The following PALM2AKAP2 variants were observed in gnomAD, a reference collection of about 807,000 sequenced individuals.
PALM2AKAP2 encodes PALM2 and AKAP2 fusion, also known as PALM2-AKAP2 fusion protein.
A neutral mutation model predicts 71.5 loss-of-function variants in PALM2AKAP2; 37 were observed. The observed-to-expected ratio is 0.52, with a 90% CI of 0.40 to 0.68. The LOEUF is 0.68. PALM2AKAP2 is among the 30% of genes least tolerant of loss of function. The pLI, the probability that PALM2AKAP2 is intolerant of heterozygous loss-of-function variation, is 0.00. For missense variants in PALM2AKAP2, 1,224 were observed against 1,191.8 expected (o/e 1.03, Z -0.40); for synonymous variants, 468 against 478.8 (o/e 0.98, Z 0.29).
chr9:109,898,414 AT>A (rs780112483), intron 3 of PALM2AKAP2, among the ~76,000 whole-genome samples: 11 of 151,976 alleles, frequency 7.2e-5, no homozygotes, highest in African/African-American at 2.7e-4. Context: ...TTGAAAACAC[AT>A]TTTTTTTCAG....
At chr9:109,918,068 A>G (rs1012891520) in intron 3 of PALM2AKAP2, among the ~76,000 whole-genome samples, 5 of 152,040 alleles carry the variant, frequency 3.3e-5, no homozygotes, top group African/African-American at 1.2e-4. Flanking sequence ...TTCCTCTATT[A>G]TTGCTATTTT....
At chr9:109,810,998 G>A (rs1448467843) in intron 1 of PALM2AKAP2, among the ~76,000 whole-genome samples, 1 of 152,142 alleles carries the variant, frequency 6.6e-6, no homozygotes, top group African/African-American at 2.4e-5. Flanking sequence ...GGGAGGAAGG[G>A]GGAAGAGGTG....
At chr9:109,835,146 G>A (rs1201561281) in intron 1 of PALM2AKAP2, among the ~76,000 whole-genome samples, 1 of 151,650 alleles carries the variant, frequency 6.6e-6, no homozygotes, top group Non-Finnish European at 1.5e-5. Context: ...GACCCACACT[G>A]GCAGAGGTGG....
chr9:110,060,890 C>A (rs1052359275), intron 1 of PALM2AKAP2, among the ~76,000 whole-genome samples: 1 of 152,114 alleles, frequency 6.6e-6, no homozygotes, highest in Non-Finnish European at 1.5e-5. Context: ...GGAGTTTTTA[C>A]TCTAAATATT....
At chr9:110,002,186 C>G (rs1210416721) in intron 6 of PALM2AKAP2, among the ~76,000 whole-genome samples, 1 of 152,026 alleles carries the variant, frequency 6.6e-6, no homozygotes, top group East Asian at 1.9e-4. Context: ...TGAGATACGT[C>G]CCATCAATAC....
chr9:110,064,370 G>C (rs1050554825), intron 1 of PALM2AKAP2, among the ~76,000 whole-genome samples: 1 of 152,220 alleles, frequency 6.6e-6, no homozygotes, highest in East Asian at 1.9e-4. Context: ...TCTCCTGTCC[G>C]ACCTCCTAGC....
At chr9:110,014,801 A>ATATGT (rs1832944585) in intron 6 of PALM2AKAP2, among the ~76,000 whole-genome samples, 1 of 41,266 alleles carries the variant, frequency 2.4e-5, no homozygotes, top group Non-Finnish European at 4.1e-5. Context: ...AAAAAAAAAA[A>ATATGT]AAATGTATAT....
At chr9:110,138,504 C>T (rs1244266467) in exon 2 of PALM2AKAP2, 16 of 1,612,462 alleles carry the variant, frequency 9.9e-6, no homozygotes, top group Admixed American at 1.7e-5. Context: ...AATGCCCCAT[C>T]ACTGCCCTCC....
At chr9:109,861,236 C>G (rs1829299873) in intron 1 of PALM2AKAP2, among the ~76,000 whole-genome samples, 1 of 152,202 alleles carries the variant, frequency 6.6e-6, no homozygotes, top group Admixed American at 6.5e-5. Context: ...TTGTCCACAG[C>G]CACAGCCTGG....
intron 6 of PALM2AKAP2, among the ~76,000 whole-genome samples, chr9:109,989,179 C>T (rs984565297): frequency 1.3e-5 from 2 of 152,220 alleles, no homozygotes; most frequent in Non-Finnish European, 2.9e-5. Context: ...CATATTGAAT[C>T]TGGAGCGAAA....
intron 1 of PALM2AKAP2, among the ~76,000 whole-genome samples, chr9:109,864,106 G>T (rs1370301352): frequency 6.6e-6 from 1 of 152,070 alleles, no homozygotes; most frequent in Non-Finnish European, 1.5e-5. Context: ...GCTAGTCAAA[G>T]AATCCTGAAA....
chr9:109,695,538 CT>C (rs1448945656), intron 1 of PALM2AKAP2, among the ~76,000 whole-genome samples: 1 of 152,026 alleles, frequency 6.6e-6, no homozygotes, highest in Non-Finnish European at 1.5e-5. Context: ...TTGCGTTTCC[CT>C]GATGATTAGT....
intron 3 of PALM2AKAP2, chr9:110,162,124 A>G: frequency 6.2e-7 from 1 of 1,614,020 alleles, no homozygotes; most frequent in Non-Finnish European, 8.5e-7. Context: ...TTGCAAGGTG[A>G]CTTCCGAGGT....
At chr9:109,824,976 C>T (rs1828106768) in intron 1 of PALM2AKAP2, among the ~76,000 whole-genome samples, 1 of 152,188 alleles carries the variant, frequency 6.6e-6, no homozygotes, top group Non-Finnish European at 1.5e-5. Flanking sequence ...GGATCGAAGG[C>T]TTAGAATTCA....
chr9:109,956,775 T>A, intron 6 of PALM2AKAP2, among the ~76,000 whole-genome samples: 1 of 152,204 alleles, frequency 6.6e-6, no homozygotes, highest in Non-Finnish European at 1.5e-5. Context: ...CTCTTTAATA[T>A]AATCAGATGG....
At chr9:109,826,996 A>C (rs1003371335) in intron 1 of PALM2AKAP2, among the ~76,000 whole-genome samples, 1 of 152,198 alleles carries the variant, frequency 6.6e-6, no homozygotes, top group Admixed American at 6.5e-5. Context: ...CAAGCCCATA[A>C]AATACTAGGT....
intron 1 of PALM2AKAP2, among the ~76,000 whole-genome samples, chr9:109,830,928 G>T (rs1239141493): frequency 6.6e-6 from 1 of 152,084 alleles, no homozygotes; most frequent in East Asian, 1.9e-4. Flanking sequence ...ATTGGCAAAA[G>T]GTAAACCTTC....
intron 1 of PALM2AKAP2, among the ~76,000 whole-genome samples, chr9:110,088,876 C>T (rs1024205219): frequency 2.6e-5 from 4 of 151,836 alleles, no homozygotes; most frequent in Admixed American, 6.6e-5. Context: ...CAAGCCACCA[C>T]GCCCAGCTAA....
chr9:109,740,974 C>G (rs746809746), intron 1 of PALM2AKAP2, among the ~76,000 whole-genome samples: 3 of 152,162 alleles, frequency 2.0e-5, no homozygotes, highest in Non-Finnish European at 2.9e-5. Flanking sequence ...TTTTAAAAAA[C>G]TAGATTTTTT....
Sources: allele counts gnomAD v4.1 joint callset (sites outside exome capture counted in the v4.1 genomes callset), GRCh38; gene constraint gnomAD v4.1.1; transcripts MANE v1.5; gene names NCBI Gene and HGNC (gene_info 2026-07-23, HGNC 2026-07-21).